Variants in PSEN1 observed in about 807,000 individuals in gnomAD.
PSEN1 encodes the protein presenilin-1.
PSEN1 carries 15 observed loss-of-function variants against 53.5 expected under a neutral mutation model. That is an observed-to-expected ratio of 0.28 (90% confidence interval 0.19 to 0.43). The LOEUF (loss-of-function observed/expected upper bound fraction) is 0.43, where lower values mean the gene tolerates loss of function less well. Ranked by LOEUF, PSEN1 falls within the 20% of genes least tolerant of loss-of-function variation. The probability of loss-of-function intolerance (pLI) is 1.00; values close to 1 mark genes in which losing one functional copy is unlikely to be tolerated. For synonymous variants in PSEN1, 208 were observed against 209.8 expected, an observed-to-expected ratio of 0.99 and a Z score of 0.08; for missense variants, 387 against 571.2, an observed-to-expected ratio of 0.68 and a Z score of 3.29.
At chr14:73,182,374 A>G (rs1288941096) in intron 5 of PSEN1, among the ~76,000 whole-genome samples, 1 of 152,038 alleles carries the variant, frequency 6.6e-6, no homozygotes, top group Non-Finnish European at 1.5e-5. Flanking sequence ...ACCCACGCCT[A>G]TAGTCCTAGG....
At chr14:73,209,430 C>G (rs1899590491) in intron 9 of PSEN1, among the ~76,000 whole-genome samples, 1 of 152,178 alleles carries the variant, frequency 6.6e-6, no homozygotes, top group East Asian at 1.9e-4. Context: ...TAAAGAAAAT[C>G]AAATGATTGT....
At chr14:73,182,043 G>A (rs543841936) in intron 5 of PSEN1, among the ~76,000 whole-genome samples, 1 of 152,154 alleles carries the variant, frequency 6.6e-6, no homozygotes, top group South Asian at 2.1e-4. Flanking sequence ...CAAACTGCTG[G>A]GATAACAGGC....
At chr14:73,197,907 C>T in intron 7 of PSEN1, 124 bp from the exon 8 acceptor site, 1 of 664,388 alleles carries the variant, frequency 1.5e-6, no homozygotes, top group Non-Finnish European at 2.7e-6. Flanking sequence ...CATTCAACGT[C>T]TTTTTGTGTA....
At chr14:73,140,557 CTTTA>C (rs1350167203) in intron 1 of PSEN1, among the ~76,000 whole-genome samples, 1 of 151,948 alleles carries the variant, frequency 6.6e-6, no homozygotes, top group Non-Finnish European at 1.5e-5. Flanking sequence ...TAGTTATCGT[CTTTA>C]TTTTCTTTTT....
chr14:73,204,384 T>C (rs1899362051), intron 8 of PSEN1, among the ~76,000 whole-genome samples: 1 of 151,052 alleles, frequency 6.6e-6, no homozygotes. Context: ...AAAAGTGATT[T>C]TTAAAAAAAT....
At chr14:73,211,458 C>T (rs362376) in intron 9 of PSEN1, among the ~76,000 whole-genome samples, 1 of 152,170 alleles carries the variant, frequency 6.6e-6, no homozygotes, top group Non-Finnish European at 1.5e-5. Context: ...AAGTTACAAC[C>T]CCACAACCTT....
intron 8 of PSEN1, among the ~76,000 whole-genome samples, chr14:73,205,469 A>ACT (rs1899418564): frequency 1.5e-5 from 2 of 133,172 alleles, no homozygotes; most frequent in African/African-American, 5.9e-5. Context: ...ACAGAGCAAG[A>ACT]CTCTGTCTCA....
intron 7 of PSEN1, among the ~76,000 whole-genome samples, chr14:73,193,600 C>A (rs1342474042): frequency 1.3e-5 from 2 of 149,218 alleles, no homozygotes; most frequent in Non-Finnish European, 3.0e-5. Flanking sequence ...GTGGTAGACA[C>A]ACAAAATGCT....
intron 7 of PSEN1, 82 bp downstream of exon 7, chr14:73,192,946 T>A: frequency 4.6e-6 from 5 of 1,080,334 alleles, no homozygotes; most frequent in Non-Finnish European, 5.7e-6. Context: ...TATCTTGATT[T>A]AGAGAAAATG....
In PSEN1 at chr14:73,206,311, GA is replaced by G. The variant is rs1034096932; in HGVS notation, c.869-72del. ...TAGGAAGACTGGCGATTTGTGTGGA[GA>G]AATGATGGCTTGTTGTTGTCTATGC... is the stretch of plus-strand genomic sequence containing the variant. On this transcript the variant is annotated intron_variant, in intron 8 of 11. Transcript: ENST00000324501. The G allele has an allele frequency of 1.0e-4, 104 of 1,022,940 alleles. No individual in the cohort carries two copies. In the African/African-American group the frequency reaches 1.3e-3, roughly 13 times the overall value. The allele number at this position is 1,022,940 out of a possible 1,614,324, so 63.4% of individuals were successfully genotyped here.
intron 3 of PSEN1, 138 bp downstream of exon 3, chr14:73,148,244 C>A (rs1594964996): frequency 1.3e-6 from 1 of 751,506 alleles, no homozygotes; most frequent in Non-Finnish European, 2.3e-6. Context: ...TGAACTTCAG[C>A]TGATTGCTGG....
intron 6 of PSEN1, 101 bp downstream of exon 6, chr14:73,187,021 G>A: frequency 2.1e-6 from 2 of 960,660 alleles, no homozygotes. Flanking sequence ...TTACTCTGAA[G>A]TTTTAATTGT....
Position 73,219,317 on chromosome 14 carries a change from G to C in PSEN1, c.*28G>C. On this transcript the variant is annotated 3_prime_UTR_variant, in exon 12 of 12. Transcript: ENST00000324501. Reference sequence around the variant, plus strand: ...TATTTGCGGTTAGAATCCCATGGATGTTTCTTCTTTGACTATAACAAAATC... The same window carrying C: ...TATTTGCGGTTAGAATCCCATGGATCTTTCTTCTTTGACTATAACAAAATC... The C allele has an allele frequency of 6.2e-7, 1 of 1,600,926 alleles. No homozygotes were observed. The highest frequency in any genetic ancestry group is 2.2e-5 in the East Asian group (1 of 44,810).
intron 3 of PSEN1, among the ~76,000 whole-genome samples, chr14:73,160,933 T>C (rs1041277855): frequency 2.0e-5 from 3 of 150,852 alleles, no homozygotes; most frequent in Non-Finnish European, 3.0e-5. Context: ...TTTTAATGTA[T>C]TCTGGATATT....
At chr14:73,155,511 A>AT (rs937014673) in intron 3 of PSEN1, among the ~76,000 whole-genome samples, 36 of 149,762 alleles carry the variant, frequency 2.4e-4, no homozygotes, top group East Asian at 3.9e-4. Context: ...TATCATTATT[A>AT]TTTTTTTTTT....
At chr14:73,143,988 TAAAAAAAAAAAAAAA>T (rs530235019) in intron 1 of PSEN1, among the ~76,000 whole-genome samples, 1 of 53,196 alleles carries the variant, frequency 1.9e-5, no homozygotes, top group East Asian at 7.8e-4. Flanking sequence ...CCTTGTCTCT[TAAAAAAAAAAAAAAA>T]AAAAAAAAAA....
intron 1 of PSEN1, chr14:73,139,418 A>G (rs1393828508): frequency 1.3e-5 from 2 of 151,858 alleles, no homozygotes; most frequent in African/African-American, 4.8e-5. Context: ...TGTGTCTACT[A>G]AAAATACAAA....
At chr14:73,202,482 TTTTTTTTTTTG>T (rs1899266501) in intron 8 of PSEN1, among the ~76,000 whole-genome samples, 1 of 80,574 alleles carries the variant, frequency 1.2e-5, no homozygotes, top group Non-Finnish European at 2.5e-5. Flanking sequence ...TTTTTTTTTT[TTTTTTTTTTTG>T]AGACAGTCTT....
At position 73,202,419 on chromosome 14, in the gene PSEN1, TATATA is replaced by T. The variant is rs1899232220; in HGVS notation, c.869-3966_869-3962del. Among the ~76,000 whole-genome samples the T allele has an allele frequency of 7.8e-3, 161 of 20,604 alleles. 1 individual carries two copies. Among genetic ancestry groups the T allele is most frequent in the Non-Finnish European group, 0.011 (115 of 10,742 alleles). 13.5% of individuals were successfully genotyped at this position (20,604 alleles called of 152,430 possible). ...CTGTTTTAAAATATCTATCACATAC[TATATA>T]TATATATATATATATATATATATAT... On this transcript the variant is annotated intron_variant, in intron 8 of 11. Coordinates refer to ENST00000324501, the MANE Select transcript of PSEN1 (RefSeq NM_000021.4).
Sources: gnomAD v4.1 joint callset for allele counts (sites outside exome capture counted in the v4.1 genomes callset) on GRCh38, gnomAD v4.1.1 for gene constraint, MANE v1.5 for transcripts, NCBI Gene and HGNC (gene_info 2026-07-23, HGNC 2026-07-21) for gene names.